The following TBC1D9 variants were observed in gnomAD, a reference collection of about 807,000 sequenced individuals.
TBC1D9 encodes the protein TBC1 domain family member 9, also known as TBC1 domain family member 9A.
In TBC1D9, 63 loss-of-function variants were observed where a neutral mutation model predicts 132.0. That is an observed-to-expected ratio of 0.48 (90% CI 0.39 to 0.59). The LOEUF (loss-of-function observed/expected upper bound fraction) is 0.59. Among genes scored for constraint, TBC1D9 ranks in the 20% least tolerant of loss-of-function variants. The pLI, the probability that TBC1D9 is intolerant of heterozygous loss-of-function variation, is 0.00. For synonymous variants in TBC1D9, 610 were observed against 609.9 expected, an observed-to-expected ratio of 1.00 and a Z score of 0.00; for missense variants, 1,261 against 1,592.7, an observed-to-expected ratio of 0.79 and a Z score of 3.54.
intron 1 of TBC1D9, among the ~76,000 whole-genome samples, chr4:140,711,258 T>A (rs1291228509): frequency 6.6e-6 from 1 of 152,200 alleles, no homozygotes; most frequent in Non-Finnish European, 1.5e-5. Context: ...TTGATTCTAA[T>A]CTTGGCTGTA....
chr4:140,694,609 G>T, intron 2 of TBC1D9, among the ~76,000 whole-genome samples: 1 of 149,120 alleles, frequency 6.7e-6, no homozygotes. Flanking sequence ...TTGATGGTAT[G>T]GAAATACATT....
intron 13 of TBC1D9, among the ~76,000 whole-genome samples, chr4:140,648,250 T>C (rs1362177196): frequency 6.6e-6 from 1 of 152,202 alleles, no homozygotes; most frequent in East Asian, 1.9e-4. Flanking sequence ...ATATCTCTTA[T>C]CCAACTCAAC....
intron 6 of TBC1D9, among the ~76,000 whole-genome samples, chr4:140,676,096 T>G (rs1737618346): frequency 6.6e-6 from 1 of 152,208 alleles, no homozygotes; most frequent in Non-Finnish European, 1.5e-5. Flanking sequence ...ACAACCCCTA[T>G]GCCCCACAGC....
chr4:140,622,593 G>A lies in TBC1D9; in HGVS notation c.3403C>T (p.Leu1135=). ...TTGTCCCGGGGCGAGGAGTCCTCCA[G>A]CTTGATGTCCTCCATTTGTCCTCCA... ...SLGGQMEDIK[L]EDSSPRDNGA... The change falls in exon 21 of 21, where the codon CTG becomes TTG. Residue 1135 remains leucine, a synonymous_variant. Coordinates refer to ENST00000442267, the MANE Select transcript of TBC1D9 (RefSeq NM_015130.3). 2 of 1,613,982 alleles carry A rather than the reference G, an allele frequency of 1.2e-6. No individual in the cohort carries two copies.
intron 1 of TBC1D9, among the ~76,000 whole-genome samples, chr4:140,743,441 G>A (rs1184475459): frequency 2.0e-5 from 3 of 152,178 alleles, no homozygotes; most frequent in Non-Finnish European, 4.4e-5. Flanking sequence ...AGCTCAGAGA[G>A]GAAGAGAAAC....
chr4:140,696,916 T>C (rs1222922828), intron 2 of TBC1D9, among the ~76,000 whole-genome samples: 2 of 152,216 alleles, frequency 1.3e-5, no homozygotes, highest in Non-Finnish European at 2.9e-5. Flanking sequence ...TAATATATTT[T>C]CCTATGCCAT....
chr4:140,738,698 A>G (rs939651998), intron 1 of TBC1D9, among the ~76,000 whole-genome samples: 3 of 152,222 alleles, frequency 2.0e-5, no homozygotes, highest in Non-Finnish European at 4.4e-5. Flanking sequence ...TCTTTGTTGA[A>G]CATTCATACA....
intron 7 of TBC1D9, among the ~76,000 whole-genome samples, chr4:140,670,157 G>A (rs1180525088): frequency 7.2e-5 from 11 of 152,164 alleles, no homozygotes; most frequent in Non-Finnish European, 1.5e-5. Context: ...TTGAGTTTCT[G>A]GCGCCTCAAA....
At chr4:140,726,269 AC>A (rs1326480003) in intron 1 of TBC1D9, among the ~76,000 whole-genome samples, 1 of 152,056 alleles carries the variant, frequency 6.6e-6, no homozygotes, top group Non-Finnish European at 1.5e-5. Flanking sequence ...ACCCTGGGCG[AC>A]GGAATGAGAC....
At chr4:140,701,642 G>A (rs2111039844) in intron 1 of TBC1D9, 28 bp from the exon 2 acceptor site, 1 of 1,570,680 alleles carries the variant, frequency 6.4e-7, no homozygotes, top group South Asian at 1.1e-5. Flanking sequence ...GGAGAAACAG[G>A]TAAGAATTGC....
intron 13 of TBC1D9, chr4:140,643,774 A>C: frequency 2.1e-6 from 2 of 972,046 alleles, no homozygotes; most frequent in South Asian, 3.0e-5. Flanking sequence ...AAGTCTGGGC[A>C]CTCAGAGGGC....
At chr4:140,650,098 T>A (rs906672441) in intron 13 of TBC1D9, among the ~76,000 whole-genome samples, 1 of 152,250 alleles carries the variant, frequency 6.6e-6, no homozygotes, top group African/African-American at 2.4e-5. Flanking sequence ...CAATACTCCA[T>A]GTAAACTATT....
At chr4:140,736,545 A>C (rs999412361) in intron 1 of TBC1D9, among the ~76,000 whole-genome samples, 9 of 152,128 alleles carry the variant, frequency 5.9e-5, no homozygotes, top group African/African-American at 2.2e-4. Context: ...ATCTCAAAAA[A>C]TAAATGAATA....
At chr4:140,626,185 A>C (rs2110963627) in intron 18 of TBC1D9, among the ~76,000 whole-genome samples, 1 of 152,294 alleles carries the variant, frequency 6.6e-6, no homozygotes, top group Admixed American at 6.5e-5. Context: ...CATTACTTCC[A>C]ATATATAATA....
At chr4:140,738,260 T>C (rs879411257) in intron 1 of TBC1D9, among the ~76,000 whole-genome samples, 5 of 152,222 alleles carry the variant, frequency 3.3e-5, no homozygotes, top group Non-Finnish European at 7.3e-5. Flanking sequence ...AAAAACTGCC[T>C]TCCTTTTGTT....
intron 13 of TBC1D9, chr4:140,643,054 T>C: frequency 1.6e-6 from 2 of 1,246,848 alleles, no homozygotes; most frequent in African/African-American, 1.5e-5. Context: ...CGCTCCTCCT[T>C]CTTGCGCATC....
intron 16 of TBC1D9, among the ~76,000 whole-genome samples, chr4:140,629,953 C>A (rs1736766900): frequency 6.6e-6 from 1 of 152,120 alleles, no homozygotes; most frequent in Admixed American, 6.5e-5. Context: ...AAAATGGGCA[C>A]AATTATTACT....
intron 13 of TBC1D9, among the ~76,000 whole-genome samples, chr4:140,640,447 T>TGG (rs55770281): frequency 9.3e-6 from 1 of 108,004 alleles, no homozygotes; most frequent in African/African-American, 3.4e-5. Flanking sequence ...GGTGGTGGGG[T>TGG]GGGGGGGGGA....
At chr4:140,726,947 G>A (rs143299439) in intron 1 of TBC1D9, among the ~76,000 whole-genome samples, 40 of 152,208 alleles carry the variant, frequency 2.6e-4, no homozygotes, top group African/African-American at 8.2e-4. Flanking sequence ...ACTGATATGC[G>A]GTCAACCCAG....
Sources: allele counts gnomAD v4.1 joint callset (sites outside exome capture counted in the v4.1 genomes callset), GRCh38; gene constraint gnomAD v4.1.1; transcripts MANE v1.5; gene names NCBI Gene and HGNC (gene_info 2026-07-23, HGNC 2026-07-21).